Variants in GALNT13 observed in about 807,000 individuals in gnomAD.
GALNT13 encodes the protein polypeptide N-acetylgalactosaminyltransferase 13.
GALNT13 carries 28 observed loss-of-function variants against 64.2 expected under a neutral mutation model. The observed-to-expected ratio is 0.44, with a 90% CI of 0.32 to 0.60. GALNT13 has a LOEUF of 0.60. Among genes scored for constraint, GALNT13 ranks in the 20% least tolerant of loss-of-function variants. GALNT13 has a pLI of 0.05. For synonymous variants in GALNT13, 214 were observed against 224.6 expected, an observed-to-expected ratio of 0.95 and a Z score of 0.42; for missense variants, 577 against 669.8, an observed-to-expected ratio of 0.86 and a Z score of 1.53.
chr2:153,956,724 T>G (rs1692591849), intron 3 of GALNT13, among the ~76,000 whole-genome samples: 1 of 152,202 alleles, frequency 6.6e-6, no homozygotes, highest in Admixed American at 6.5e-5. Flanking sequence ...CAAAATTATT[T>G]TTCCCAATAA....
intron 12 of GALNT13, among the ~76,000 whole-genome samples, chr2:154,442,516 TTAAA>T (rs1701350946): frequency 6.6e-6 from 1 of 152,068 alleles, no homozygotes; most frequent in Admixed American, 6.6e-5. Context: ...GTCTGGAAGC[TTAAA>T]TAAATTGCAC....
At chr2:153,097,652 C>T in the GALNT13 span, among the ~76,000 whole-genome samples, 1 of 152,090 alleles carries the variant, frequency 6.6e-6, no homozygotes, top group Non-Finnish European at 1.5e-5. Context: ...GAAGTAAAAT[C>T]CTTTTATTCA....
At chr2:153,750,844 C>A in the GALNT13 span, among the ~76,000 whole-genome samples, 2 of 150,740 alleles carry the variant, frequency 1.3e-5, no homozygotes, top group Non-Finnish European at 3.0e-5. Context: ...TATTTATTTT[C>A]TTCTAATTTT....
chr2:154,122,632 C>A (rs367548864), intron 3 of GALNT13, among the ~76,000 whole-genome samples: 65 of 151,532 alleles, frequency 4.3e-4, no homozygotes, highest in African/African-American at 1.5e-3. Flanking sequence ...ATGTATTTAT[C>A]CTTGTGTATT....
At chr2:153,745,427 C>T in the GALNT13 span, among the ~76,000 whole-genome samples, 3 of 152,072 alleles carry the variant, frequency 2.0e-5, no homozygotes, top group Admixed American at 1.3e-4. Flanking sequence ...GTACATTAAG[C>T]TTAGTTAGCA....
intron 9 of GALNT13, among the ~76,000 whole-genome samples, chr2:154,394,618 T>C (rs1698971067): frequency 6.6e-6 from 1 of 152,244 alleles, no homozygotes; most frequent in Non-Finnish European, 1.5e-5. Flanking sequence ...ACTGTAATAA[T>C]ACTTAACATA....
At chr2:153,323,916 G>A in the GALNT13 span, among the ~76,000 whole-genome samples, 1 of 152,144 alleles carries the variant, frequency 6.6e-6, no homozygotes. Context: ...TTAAAGTCAG[G>A]TAGCATGATG....
the GALNT13 span, among the ~76,000 whole-genome samples, chr2:153,673,556 T>C: frequency 4.8e-3 from 731 of 152,240 alleles, 3 homozygotes; most frequent in Middle Eastern, 0.02. Flanking sequence ...ATAGAACGTA[T>C]CTCAAAATAA....
At chr2:153,217,396 A>G in the GALNT13 span, among the ~76,000 whole-genome samples, 4 of 152,012 alleles carry the variant, frequency 2.6e-5, no homozygotes, top group African/African-American at 7.2e-5. Flanking sequence ...CTTCTAGTCT[A>G]TTATTGTTTT....
At chr2:154,242,363 C>T (rs1024687607) in intron 5 of GALNT13, among the ~76,000 whole-genome samples, 167 bp downstream of exon 5, 3 of 152,076 alleles carry the variant, frequency 2.0e-5, no homozygotes, top group South Asian at 2.1e-4. Context: ...CATCAAGAAC[C>T]TCATTAATGC....
intron 11 of GALNT13, chr2:154,437,070 A>G (rs1701013032): frequency 6.6e-6 from 1 of 152,082 alleles, no homozygotes; most frequent in South Asian, 2.1e-4. Flanking sequence ...TTTTCTTTTT[A>G]TTATCGTTTG....
chr2:153,779,098 C>T, the GALNT13 span, among the ~76,000 whole-genome samples: 649 of 152,206 alleles, frequency 4.3e-3, 5 homozygotes, highest in African/African-American at 0.014. Context: ...GCTCCTAATA[C>T]AGTGCCTAGT....
At chr2:154,242,267 G>T in intron 5 of GALNT13, 71 bp downstream of exon 5, 1 of 1,344,202 alleles carries the variant, frequency 7.4e-7, no homozygotes. Flanking sequence ...GTATTAGAAA[G>T]CTTTATTATG....
chr2:153,261,489 G>C, the GALNT13 span, among the ~76,000 whole-genome samples: 1 of 152,114 alleles, frequency 6.6e-6, no homozygotes, highest in Non-Finnish European at 1.5e-5. Context: ...TGGATTACCA[G>C]GTAGAGACTC....
At chr2:153,369,142 T>C in the GALNT13 span, among the ~76,000 whole-genome samples, 1 of 152,092 alleles carries the variant, frequency 6.6e-6, no homozygotes, top group Non-Finnish European at 1.5e-5. Flanking sequence ...AAATACAACC[T>C]ATCAAAATGT....
chr2:153,141,108 A>AGCC, the GALNT13 span, among the ~76,000 whole-genome samples: 463 of 146,680 alleles, frequency 3.2e-3, 20 homozygotes, highest in South Asian at 7.8e-3. Context: ...CATATGTAAA[A>AGCC]TCAGGAAATA....
intron 3 of GALNT13, among the ~76,000 whole-genome samples, chr2:154,124,983 G>A (rs1206316757): frequency 6.6e-6 from 1 of 152,064 alleles, no homozygotes; most frequent in African/African-American, 2.4e-5. Flanking sequence ...CTGAGGGTAG[G>A]CTGCCTGGGT....
At chr2:153,779,386 A>G in the GALNT13 span, among the ~76,000 whole-genome samples, 2 of 152,196 alleles carry the variant, frequency 1.3e-5, no homozygotes, top group Non-Finnish European at 2.9e-5. Flanking sequence ...CAGTTACTAC[A>G]AAGACATTGA....
chr2:153,192,820 T>C, the GALNT13 span, among the ~76,000 whole-genome samples: 1 of 152,026 alleles, frequency 6.6e-6, no homozygotes, highest in African/African-American at 2.4e-5. Flanking sequence ...CTACTTCTGC[T>C]TGCTATTGGC....
Sources: allele counts gnomAD v4.1 joint callset (sites outside exome capture counted in the v4.1 genomes callset), GRCh38; gene constraint gnomAD v4.1.1; transcripts MANE v1.5; gene names NCBI Gene and HGNC (gene_info 2026-07-23, HGNC 2026-07-21).